Variants in GRHL2 observed in about 807,000 individuals in gnomAD.
GRHL2 encodes the protein grainyhead like transcription factor 2, also known as grainyhead-like protein 2 homolog.
GRHL2 carries 21 observed loss-of-function variants against 83.8 expected under a neutral mutation model. That is an observed-to-expected ratio of 0.25 (90% CI 0.18 to 0.36). The LOEUF is 0.36. GRHL2 is among the 10% of genes least tolerant of loss of function. GRHL2 has a pLI of 1.00. For missense variants in GRHL2, 623 were observed against 781.8 expected, an observed-to-expected ratio of 0.80 and a Z score of 2.42; for synonymous variants, 280 against 278.9, an observed-to-expected ratio of 1.00 and a Z score of -0.04.
intron 1 of GRHL2, among the ~76,000 whole-genome samples, chr8:101,522,740 T>TATACATATAC (rs1466161029): frequency 7.7e-6 from 1 of 130,248 alleles, no homozygotes; most frequent in Admixed American, 7.3e-5. Flanking sequence ...TACATATACA[T>TATACATATAC]ATATATATAT....
intron 13 of GRHL2, among the ~76,000 whole-genome samples, chr8:101,648,016 G>A (rs1019048541): frequency 6.6e-6 from 1 of 152,124 alleles, no homozygotes; most frequent in African/African-American, 2.4e-5. Context: ...TTTGCCTTGT[G>A]CATTTTCCCT....
the GRHL2 span, among the ~76,000 whole-genome samples, chr8:101,676,610 G>T: frequency 1.2e-4 from 19 of 152,162 alleles, no homozygotes; most frequent in African/African-American, 3.9e-4. Flanking sequence ...TACACTGTTT[G>T]TGGGACTGTA....
chr8:101,547,234 GTT>G (rs10531952), intron 2 of GRHL2, among the ~76,000 whole-genome samples: 119,066 of 151,680 alleles, frequency 0.78, 47,104 homozygotes, highest in African/African-American at 0.84. Flanking sequence ...ACAGCAGTCT[GTT>G]TTTTTTTTTG....
chr8:101,590,962 G>T (rs1342114699), intron 7 of GRHL2, among the ~76,000 whole-genome samples: 2 of 152,076 alleles, frequency 1.3e-5, no homozygotes, highest in Non-Finnish European at 2.9e-5. Flanking sequence ...ATTAAAAGGG[G>T]TAGTTATAAT....
rs1368143065 is a variant in GRHL2, at chr8:101,568,104, A to C, written c.679-2235A>C. The stretch of plus-strand genomic sequence containing the variant: ...TCTGCAATGATGGAAATTTTTTTTA[A>C]TACTATCCAATGTTAGTCACTAGCC... On this transcript the variant is annotated intron_variant, in intron 4 of 15. Coordinates refer to ENST00000646743, the MANE Select transcript of GRHL2 (RefSeq NM_024915.4). Among the ~76,000 whole-genome samples the C allele has an allele frequency of 2.0e-5, 3 of 152,302 alleles. No individual in the cohort carries two copies. The East Asian group carries it at 5.8e-4, about 29-fold the overall frequency.
chr8:101,663,418 C>A (rs958035242), intron 14 of GRHL2, among the ~76,000 whole-genome samples: 1 of 151,928 alleles, frequency 6.6e-6, no homozygotes. Context: ...TCGAGACCAG[C>A]CTGGCCAACA....
chr8:101,641,568 C>G lies in GRHL2; in HGVS notation c.1518-2563C>G, dbSNP rs144934006. Among the ~76,000 whole-genome samples the G allele has an allele frequency of 3.2e-3, 491 of 152,212 alleles. 2 individuals carry two copies. Among genetic ancestry groups the G allele is most frequent in the African/African-American group, 0.011 (449 of 41,518 alleles). On this transcript the variant is annotated intron_variant, in intron 12 of 15. Transcript: ENST00000646743. ...GACCTGACACCTTCCCACTGTTTTT[C>G]CAATGAAACTTAGCACTACCTTTAT... is the stretch of plus-strand genomic sequence containing the variant.
intron 1 of GRHL2, among the ~76,000 whole-genome samples, chr8:101,497,579 C>T (rs143087263): frequency 2.0e-3 from 308 of 152,308 alleles, no homozygotes; most frequent in Admixed American, 5.2e-3. Flanking sequence ...CTCAAACTCA[C>T]CTGAGTTTAA....
chr8:101,591,407 C>T (rs1812278977), intron 7 of GRHL2, among the ~76,000 whole-genome samples: 1 of 152,168 alleles, frequency 6.6e-6, no homozygotes, highest in South Asian at 2.1e-4. Context: ...TGTTTGTCTC[C>T]TCTCTACTGA....
At chr8:101,633,210 A>C (rs933471122) in intron 11 of GRHL2, among the ~76,000 whole-genome samples, 1 of 152,190 alleles carries the variant, frequency 6.6e-6, no homozygotes, top group Non-Finnish European at 1.5e-5. Flanking sequence ...TATGTGATAA[A>C]CAAAAAATTG....
At chr8:101,512,096 G>C (rs1810478741) in intron 1 of GRHL2, among the ~76,000 whole-genome samples, 1 of 151,158 alleles carries the variant, frequency 6.6e-6, no homozygotes, top group Admixed American at 6.6e-5. Context: ...TTAATATCTG[G>C]AAATGTTGTG....
chr8:101,591,529 C>T (rs547171852), intron 7 of GRHL2, among the ~76,000 whole-genome samples: 2 of 152,292 alleles, frequency 1.3e-5, no homozygotes, highest in South Asian at 4.1e-4. Flanking sequence ...AAACTAGTAG[C>T]CATTGTAGGA....
In GRHL2 at chr8:101,668,870, C is replaced by A. The variant is rs1231723248; in HGVS notation, c.*2167C>A. 1 of 152,252 alleles carries A rather than the reference C, an allele frequency of 6.6e-6. No homozygotes were observed. Among genetic ancestry groups the A allele is most frequent in the Non-Finnish European group, 1.5e-5 (1 of 68,054 alleles). 9.4% of individuals were successfully genotyped at this position (152,252 alleles called of 1,614,324 possible). The stretch of plus-strand genomic sequence containing the variant: ...AGGCAACCTACCCCTCTCTCTCCAG[C>A]CTCTTTATGAAACTGTTTGTTTGCC... On this transcript the variant is annotated 3_prime_UTR_variant, in exon 16 of 16. Transcript: ENST00000646743.
chr8:101,598,292 G>A (rs1395443401), intron 7 of GRHL2, among the ~76,000 whole-genome samples: 2 of 147,686 alleles, frequency 1.4e-5, no homozygotes, highest in Non-Finnish European at 3.0e-5. Flanking sequence ...CCAGGCTGGA[G>A]TACAGTGGCA....
the GRHL2 span, among the ~76,000 whole-genome samples, chr8:101,677,084 G>C: frequency 6.6e-6 from 1 of 152,044 alleles, no homozygotes; most frequent in Non-Finnish European, 1.5e-5. Flanking sequence ...GGGGGGGATA[G>C]ATAGCATTAG....
rs1175107020 is a variant in GRHL2 at position 101,543,504 on chromosome 8, G to A, written c.216+68G>A. On this transcript the variant is annotated intron_variant, in intron 2 of 15. Coordinates refer to ENST00000646743, the MANE Select transcript of GRHL2 (RefSeq NM_024915.4). ...ACAACCCTTTGCTGGTGGGAAGAAGGAACAGATTGTTTGTCCCAGGCCAGG... is the reference window on the plus strand; with the variant it reads ...ACAACCCTTTGCTGGTGGGAAGAAGAAACAGATTGTTTGTCCCAGGCCAGG... The A allele has an allele frequency of 2.8e-6, 4 of 1,447,176 alleles. No homozygotes were observed. In the African/African-American group the frequency reaches 5.6e-5, roughly 20 times the overall value. The allele number at this position is 1,447,176 out of a possible 1,614,324, so 89.6% of individuals were successfully genotyped here. A position where few individuals can be genotyped will look rare whatever the true frequency, so the allele number is the denominator to read the frequency against.
In GRHL2 at chr8:101,657,587, TC is replaced by T. The variant is rs1813821291; in HGVS notation, c.1699-6864del. Among the ~76,000 whole-genome samples the T allele has an allele frequency of 2.0e-5, 3 of 152,138 alleles. No homozygotes were observed. In the South Asian group the frequency reaches 6.2e-4, roughly 32 times the overall value. On this transcript the variant is annotated intron_variant, in intron 14 of 15. Transcript: ENST00000646743. ...CGGGCGTAGTGGCTCACGCCTGTAA[TC>T]CCAGCACTCTGGGAGGCCGAGACGG...
At chr8:101,678,856 C>T in the GRHL2 span, among the ~76,000 whole-genome samples, 6 of 147,828 alleles carry the variant, frequency 4.1e-5, no homozygotes, top group Non-Finnish European at 9.0e-5. Flanking sequence ...AGACCTGCAG[C>T]TGAGGGTCCT....
At chr8:101,530,950 G>T (rs1810912085) in intron 1 of GRHL2, among the ~76,000 whole-genome samples, 1 of 152,126 alleles carries the variant, frequency 6.6e-6, no homozygotes, top group African/African-American at 2.4e-5. Context: ...AGGCTCCGAG[G>T]TTGTGCGTGG....
Sources: allele counts gnomAD v4.1 joint callset (sites outside exome capture counted in the v4.1 genomes callset), GRCh38; gene constraint gnomAD v4.1.1; transcripts MANE v1.5; gene names NCBI Gene and HGNC (gene_info 2026-07-23, HGNC 2026-07-21).